The following EPN2 variants were observed in gnomAD, a reference collection of about 807,000 sequenced individuals.
EPN2 encodes epsin 2.
In EPN2, 34 loss-of-function variants were observed where a neutral mutation model predicts 61.7. The observed-to-expected ratio is 0.55, with a 90% CI of 0.42 to 0.73. The LOEUF is 0.73. Among genes scored for constraint, EPN2 ranks in the 30% least tolerant of loss-of-function variants. The probability of loss-of-function intolerance (pLI) is 0.00; values close to 1 mark genes in which losing one functional copy is unlikely to be tolerated. For synonymous variants in EPN2, 349 were observed against 353.6 expected (o/e 0.99, Z 0.15); for missense variants, 714 against 839.2 (o/e 0.85, Z 1.84).
chr17:19,331,176 C>G (rs1399699657), intron 9 of EPN2, among the ~76,000 whole-genome samples: 1 of 152,174 alleles, frequency 6.6e-6, no homozygotes, highest in Non-Finnish European at 1.5e-5. Context: ...GGCTCAGCAA[C>G]AATTCAATAA....
intron 7 of EPN2, 116 bp downstream of exon 7, chr17:19,313,395 G>A: frequency 1.1e-6 from 1 of 936,654 alleles, no homozygotes; most frequent in Non-Finnish European, 1.5e-6. Context: ...GGGTGTCCAG[G>A]CTCCTCCAGC....
At position 19,334,459 on chromosome 17, in the gene EPN2, A is replaced by G; in HGVS notation, c.*205A>G. The G allele has an allele frequency of 2.4e-6, 1 of 410,168 alleles. No homozygotes were observed. The highest frequency in any genetic ancestry group is 4.3e-6 in the Non-Finnish European group (1 of 234,752). 25.4% of individuals were successfully genotyped at this position (410,168 alleles called of 1,614,324 possible). The stretch of plus-strand genomic sequence containing the variant: ...AGGCCCCTCAGCCTGGCCTGCTCTC[A>G]CCACCTCCTCCAAAGCACTGAGGTC... On this transcript the variant is annotated 3_prime_UTR_variant, in exon 11 of 11. Transcript: ENST00000314728. This position sits in a 1 kb window ranked among gnomAD's most constrained non-coding sequence, Gnocchi z 4.9.
chr17:19,317,561 CG>C lies in EPN2; in HGVS notation c.1147+4285del, dbSNP rs573168103. On this transcript the variant is annotated intron_variant, in intron 7 of 10. Transcript: ENST00000314728. The stretch of plus-strand genomic sequence containing the variant: ...CACATGAATATTCATCTGTGAGGCT[CG>C]GGATGAGCCAGGCTGGCGGGTGGGA... Among the ~76,000 whole-genome samples, 939 of 152,232 alleles carry C rather than the reference CG, an allele frequency of 6.2e-3. 6 individuals are homozygous for C. The highest frequency in any genetic ancestry group is 0.027 in the Middle Eastern group (8 of 294).
At position 19,285,007 on chromosome 17, in the gene EPN2, T is replaced by C. The variant is rs2152218146; in HGVS notation, c.596-613T>C. Reference sequence around the variant, plus strand: ...CAGAAGCCTCAATGCAGGGTTAAATTGCACCAAAACAAATGAAGATTGCCC... The same window carrying C: ...CAGAAGCCTCAATGCAGGGTTAAATCGCACCAAAACAAATGAAGATTGCCC... On this transcript the variant is annotated intron_variant, in intron 3 of 10. Transcript: ENST00000314728. The surrounding 1 kb of genome is among the most constrained non-coding windows in gnomAD (Gnocchi z 4.5). Among the ~76,000 whole-genome samples the C allele has an allele frequency of 6.6e-6, 1 of 152,356 alleles. No homozygotes were observed. Among genetic ancestry groups the C allele is most frequent in the South Asian group, 2.1e-4 (1 of 4,828 alleles).
chr17:19,315,159 C>T (rs964325414), intron 7 of EPN2, among the ~76,000 whole-genome samples: 4 of 152,166 alleles, frequency 2.6e-5, no homozygotes, highest in Admixed American at 2.6e-4. Flanking sequence ...TCAGGAGAGA[C>T]AAAAATCTCA....
At chr17:19,293,152 G>A (rs1244074233) in intron 4 of EPN2, among the ~76,000 whole-genome samples, 1 of 152,068 alleles carries the variant, frequency 6.6e-6, no homozygotes, top group African/African-American at 2.4e-5. Flanking sequence ...GTTGAGACGG[G>A]CAGATCACCT....
chr17:19,246,891 C>G (rs375505648), intron 1 of EPN2, among the ~76,000 whole-genome samples: 16 of 151,900 alleles, frequency 1.1e-4, no homozygotes, highest in African/African-American at 3.9e-4. Context: ...TCTCAGCCTC[C>G]CAAGTAGCTG....
intron 4 of EPN2, among the ~76,000 whole-genome samples, chr17:19,304,291 T>C (rs1905708898): frequency 6.6e-6 from 1 of 152,118 alleles, no homozygotes; most frequent in Non-Finnish European, 1.5e-5. Flanking sequence ...ATTCAGGAAG[T>C]GGCCCCTGGA....
At chr17:19,244,938 C>T (rs1279351872) in intron 1 of EPN2, among the ~76,000 whole-genome samples, 1 of 152,156 alleles carries the variant, frequency 6.6e-6, no homozygotes, top group Non-Finnish European at 1.5e-5. Context: ...ATTTCCACGA[C>T]CTCATTTGCA....
chr17:19,289,729 T>TTTTTTTTTTTTTG (rs2045443553), intron 4 of EPN2, among the ~76,000 whole-genome samples: 1 of 108,720 alleles, frequency 9.2e-6, no homozygotes, highest in African/African-American at 4.1e-5. Context: ...TCATGGTTTT[T>TTTTTTTTTTTTTG]TTTTTTTTTT....
At chr17:19,316,966 C>A (rs1906413869) in intron 7 of EPN2, among the ~76,000 whole-genome samples, 1 of 152,244 alleles carries the variant, frequency 6.6e-6, no homozygotes. Flanking sequence ...CTTCCACATT[C>A]CATCAGCGTA....
intron 4 of EPN2, among the ~76,000 whole-genome samples, chr17:19,291,599 G>A (rs1407052682): frequency 1.3e-5 from 2 of 152,010 alleles, no homozygotes; most frequent in East Asian, 1.9e-4. Context: ...CACTGCGCCC[G>A]GCTAATTTTT....
At chr17:19,321,310 G>A (rs772066469) in intron 7 of EPN2, among the ~76,000 whole-genome samples, 6 of 152,130 alleles carry the variant, frequency 3.9e-5, no homozygotes, top group Non-Finnish European at 7.3e-5. Flanking sequence ...GCTCTGGCAC[G>A]CACAGTGGCT....
intron 1 of EPN2, among the ~76,000 whole-genome samples, chr17:19,253,119 G>A (rs1229575695): frequency 1.3e-5 from 2 of 152,114 alleles, no homozygotes; most frequent in East Asian, 3.9e-4. Context: ...TACTCATTAG[G>A]TAGTTGCTCC....
At position 19,261,638 on chromosome 17, in the gene EPN2, G is replaced by A. The variant is rs575847229; in HGVS notation, c.-293-20317G>A. Among the ~76,000 whole-genome samples the A allele has an allele frequency of 2.4e-4, 37 of 152,280 alleles. 1 individual carries two copies. The East Asian group carries it at 7.1e-3, about 29-fold the overall frequency. On this transcript the variant is annotated intron_variant, in intron 1 of 10. Transcript: ENST00000314728. ...GAACCACACCTTTGGCTTCCTTCCA[G>A]GATTTAAGTTAATTGGCCTTAGACA...
At chr17:19,305,202 A>G (rs1050296644) in intron 4 of EPN2, among the ~76,000 whole-genome samples, 7 of 150,826 alleles carry the variant, frequency 4.6e-5, no homozygotes, top group Non-Finnish European at 7.4e-5. Context: ...GCTCGCTGCA[A>G]CCTCCACCTG....
intron 9 of EPN2, 87 bp from the exon 10 acceptor site, chr17:19,331,766 C>A: frequency 8.6e-7 from 1 of 1,166,498 alleles, no homozygotes; most frequent in Non-Finnish European, 1.3e-6. Flanking sequence ...GCAGGCATGT[C>A]CCCAGGAGGC....
In EPN2 at chr17:19,329,597, T is replaced by G; in HGVS notation, c.1361T>G (p.Ile454Ser). 1 of 1,613,674 alleles carries G rather than the reference T, an allele frequency of 6.2e-7. No individual in the cohort carries two copies. Among genetic ancestry groups the G allele is most frequent in the Non-Finnish European group, 8.5e-7 (1 of 1,179,608 alleles). ...CTCTTCAGTAATCTGAATGGTACAA[T>G]TAAAGATGACTTTTCTGAATTTGAC... The part of the protein sequence containing the change: ...FELFSNLNGT[I>S]KDDFSEFDNL... The change falls in exon 9 of 11, where the codon ATT becomes AGT. Residue 454 changes from isoleucine to serine, a missense_variant. By Grantham distance (142) the Ile-to-Ser change is moderately radical. Transcript: ENST00000314728.
chr17:19,262,497 C>T (rs1283762374), intron 1 of EPN2, among the ~76,000 whole-genome samples: 1 of 152,130 alleles, frequency 6.6e-6, no homozygotes, highest in African/African-American at 2.4e-5. Flanking sequence ...CAAAACAAAA[C>T]AAAACAAAAA....
Sources: gnomAD v4.1 joint callset for allele counts (sites outside exome capture counted in the v4.1 genomes callset) on GRCh38, gnomAD v4.1.1 for gene constraint, Gnocchi (gnomAD v3.1) non-coding constraint, MANE v1.5 for transcripts, NCBI Gene and HGNC (gene_info 2026-07-23, HGNC 2026-07-21) for gene names.